RIMS1: variants seen among roughly 807,000 people sequenced by gnomAD.
The protein encoded by RIMS1 is regulating synaptic membrane exocytosis protein 1.
A neutral mutation model predicts 214.1 loss-of-function variants in RIMS1; 83 were observed. That is an observed-to-expected ratio of 0.39 (90% CI 0.32 to 0.47). The LOEUF is 0.47. Ranked by LOEUF, RIMS1 falls within the 20% of genes least tolerant of loss-of-function variation. The pLI is 0.99. For missense variants in RIMS1, 2,050 were observed against 2,161.8 expected, an observed-to-expected ratio of 0.95 and a Z score of 1.03; for synonymous variants, 793 against 786.8, an observed-to-expected ratio of 1.01 and a Z score of -0.13.
intron 4 of RIMS1, among the ~76,000 whole-genome samples, chr6:72,156,328 C>A (rs2153914745): frequency 7.1e-6 from 1 of 140,300 alleles, no homozygotes; most frequent in Admixed American, 7.3e-5. Context: ...CCTGGATGAA[C>A]CTGGAGGATA....
chr6:71,951,202 A>T (rs1332639586), intron 1 of RIMS1, among the ~76,000 whole-genome samples: 1 of 152,022 alleles, frequency 6.6e-6, no homozygotes, highest in Non-Finnish European at 1.5e-5. Flanking sequence ...CCTTTAGTGG[A>T]TGGATAACAT....
intron 29 of RIMS1, among the ~76,000 whole-genome samples, chr6:72,378,970 G>C (rs1016728204): frequency 1.3e-5 from 2 of 152,146 alleles, no homozygotes. Flanking sequence ...GAGACTTTGT[G>C]GGGAAGAAAA....
chr6:71,985,607 G>A (rs1029288243), intron 2 of RIMS1, among the ~76,000 whole-genome samples: 13 of 152,170 alleles, frequency 8.5e-5, no homozygotes, highest in Non-Finnish European at 2.9e-5. Context: ...TATGTCTTGG[G>A]TGGGAGTATT....
At chr6:72,112,304 C>T (rs933366804) in intron 4 of RIMS1, among the ~76,000 whole-genome samples, 2 of 152,008 alleles carry the variant, frequency 1.3e-5, no homozygotes, top group African/African-American at 4.8e-5. Flanking sequence ...ATTGGCCTTT[C>T]CTTCTCAACC....
At chr6:72,113,908 C>T (rs1333741359) in intron 4 of RIMS1, among the ~76,000 whole-genome samples, 3 of 152,108 alleles carry the variant, frequency 2.0e-5, no homozygotes, top group Admixed American at 6.6e-5. Context: ...AATCATTTCA[C>T]TCCTTGCCCT....
At chr6:72,316,559 G>A (rs1213257964) in intron 28 of RIMS1, 25 of 390,350 alleles carry the variant, frequency 6.4e-5, no homozygotes, top group Middle Eastern at 7.5e-4. Context: ...GCTGGGGATG[G>A]GAGGTGGAGG....
At chr6:71,898,296 A>G (rs979451191) in intron 1 of RIMS1, among the ~76,000 whole-genome samples, 3 of 152,180 alleles carry the variant, frequency 2.0e-5, no homozygotes, top group Non-Finnish European at 2.9e-5. Flanking sequence ...GAATTAGATC[A>G]GTAGTGTATT....
At chr6:71,978,357 T>C (rs112336415) in intron 2 of RIMS1, among the ~76,000 whole-genome samples, 2,491 of 152,206 alleles carry the variant, frequency 0.016, 81 homozygotes, top group African/African-American at 0.055. Context: ...TTATGTAAAA[T>C]TGAATAAAAA....
intron 28 of RIMS1, among the ~76,000 whole-genome samples, chr6:72,323,398 T>A (rs1284564696): frequency 6.6e-6 from 1 of 151,958 alleles, no homozygotes; most frequent in African/African-American, 2.4e-5. Flanking sequence ...GGAGGATGGA[T>A]TATTTAACAG....
At chr6:72,232,890 A>G (rs1389781996) in intron 6 of RIMS1, among the ~76,000 whole-genome samples, 2 of 151,838 alleles carry the variant, frequency 1.3e-5, no homozygotes, top group South Asian at 4.1e-4. Context: ...TATTTTCCCA[A>G]CAGTTGATAG....
At chr6:72,317,488 T>C (rs1028137674) in intron 28 of RIMS1, 5 of 167,776 alleles carry the variant, frequency 3.0e-5, no homozygotes, top group African/African-American at 4.8e-5. Context: ...TTCTATTTAT[T>C]TGAGGATTTT....
intron 24 of RIMS1, among the ~76,000 whole-genome samples, chr6:72,288,292 A>G (rs1342956260): frequency 2.6e-5 from 4 of 152,216 alleles, no homozygotes; most frequent in Non-Finnish European, 5.9e-5. Context: ...GTGTGAGAAT[A>G]CAAAAAGGTA....
chr6:72,220,295 A>T (rs2057953629), intron 6 of RIMS1, among the ~76,000 whole-genome samples: 2 of 152,090 alleles, frequency 1.3e-5, no homozygotes, highest in African/African-American at 4.8e-5. Flanking sequence ...TTGGAGAGAG[A>T]TCAGAGGCCT....
chr6:71,901,313 A>C (rs1364237286), intron 1 of RIMS1, among the ~76,000 whole-genome samples: 2 of 152,174 alleles, frequency 1.3e-5, no homozygotes, highest in African/African-American at 4.8e-5. Context: ...TTATTTAAGA[A>C]TCTTCATAGC....
chr6:72,121,607 A>G (rs1364011130), intron 4 of RIMS1, among the ~76,000 whole-genome samples: 1 of 151,898 alleles, frequency 6.6e-6, no homozygotes, highest in African/African-American at 2.4e-5. Context: ...AACAGGGGCA[A>G]TTTGACTTCC....
intron 29 of RIMS1, among the ~76,000 whole-genome samples, chr6:72,352,118 A>G (rs2097471380): frequency 1.3e-5 from 2 of 152,220 alleles, no homozygotes; most frequent in African/African-American, 2.4e-5. Context: ...TGACTCTGCA[A>G]ACGTTTTACT....
chr6:72,394,090 G>T (rs538241003), intron 31 of RIMS1, among the ~76,000 whole-genome samples: 1 of 151,582 alleles, frequency 6.6e-6, no homozygotes, highest in Non-Finnish European at 1.5e-5. Flanking sequence ...ATATGATTGG[G>T]ATACCCAGGA....
At position 72,265,492 on chromosome 6, in the gene RIMS1, A is replaced by G. The variant is rs762348883; in HGVS notation, c.3297A>G (p.Glu1099=). 1 of 1,556,860 alleles carries G rather than the reference A, an allele frequency of 6.4e-7. No homozygotes were observed. Among genetic ancestry groups the G allele is most frequent in the East Asian group, 2.3e-5 (1 of 44,434 alleles). Residue 1099 remains glutamate, a synonymous_variant, in exon 21 of 34, where the codon GAA becomes GAG. Transcript: ENST00000521978. Reference sequence around the variant, plus strand: ...CAACAGTATTGAGATTTACTGATGAAATACTGGTTAGGTAAGAACATTTGG... The same window carrying G: ...CAACAGTATTGAGATTTACTGATGAGATACTGGTTAGGTAAGAACATTTGG... ...FNSTVLRFTD[E]ILVSELQPFL...
intron 29 of RIMS1, among the ~76,000 whole-genome samples, chr6:72,369,338 A>G (rs969833732): frequency 9.9e-5 from 15 of 152,042 alleles, no homozygotes; most frequent in African/African-American, 3.6e-4. Context: ...TTTACCAGAA[A>G]TGGGAAGTTC....
Sources: allele counts gnomAD v4.1 joint callset (sites outside exome capture counted in the v4.1 genomes callset), GRCh38; gene constraint gnomAD v4.1.1; transcripts MANE v1.5; gene names NCBI Gene and HGNC (gene_info 2026-07-23, HGNC 2026-07-21).